Variants in NIBAN2 observed in about 807,000 individuals in gnomAD.
The protein encoded by NIBAN2 is protein Niban 2.
In NIBAN2, 36 loss-of-function variants were observed where a neutral mutation model predicts 81.8. The ratio of observed to expected loss-of-function variants is 0.44; its 90% CI spans 0.34 to 0.58. NIBAN2 has a LOEUF of 0.58. Ranked by LOEUF, NIBAN2 falls within the 20% of genes least tolerant of loss-of-function variation. The pLI is 0.02. For synonymous variants in NIBAN2, 445 were observed against 441.6 expected (o/e 1.01, Z -0.10); for missense variants, 897 against 1,014.1 (o/e 0.88, Z 1.57).
At chr9:127,554,723 G>A (rs1161378517) in intron 1 of NIBAN2, among the ~76,000 whole-genome samples, 6 of 151,598 alleles carry the variant, frequency 4.0e-5, no homozygotes, top group Non-Finnish European at 7.4e-5. Flanking sequence ...CCCATGCCCG[G>A]CTAATTTTTG....
rs745920127 is a variant in NIBAN2, at chr9:127,507,139, A to T, written c.1947T>A (p.Gly649=). ...CCAGCAGGCCTCGGATCTCAGTGAC[A>T]CCGTCCGGGGACGCAGGTGGTGGTG... is the stretch of plus-strand genomic sequence containing the variant. ...PESPPPASPD[G]VTEIRGLLAQ... Residue 649 remains glycine, a synonymous_variant, in exon 14 of 14, where the codon GGT becomes GGA. Transcript: ENST00000373312. This position sits in a 1 kb window ranked among gnomAD's most constrained non-coding sequence, Gnocchi z 6.8. 2.5e-6 allele frequency: 4 copies of T among 1,602,340 alleles called. No individual in the cohort carries two copies. The highest frequency in any genetic ancestry group is 3.4e-6 in the Non-Finnish European group (4 of 1,175,104).
rs1259030953 is a variant in NIBAN2, at chr9:127,568,929, G to A, written c.-55C>T. On this transcript the variant is annotated 5_prime_UTR_variant, in exon 1 of 14. Coordinates refer to ENST00000373312, the MANE Select transcript of NIBAN2 (RefSeq NM_022833.4). ...CGACGCCGCCGCTGTTGCCCGCGCT[G>A]CTCAGGCGGACGCCGCTGGCGCCAT... 1 of 1,219,686 alleles carries A rather than the reference G, an allele frequency of 8.2e-7. No homozygotes were observed. The highest frequency in any genetic ancestry group is 1.0e-6 in the Non-Finnish European group (1 of 981,068). The allele number at this position is 1,219,686 out of a possible 1,614,324, so 75.6% of individuals were successfully genotyped here.
At chr9:127,577,525 C>T (rs1224286060) in intron 1 of NIBAN2, among the ~76,000 whole-genome samples, 1 of 146,850 alleles carries the variant, frequency 6.8e-6, no homozygotes, top group African/African-American at 2.6e-5. Flanking sequence ...CAATACCCCA[C>T]GCTTCCCACA....
intron 1 of NIBAN2, among the ~76,000 whole-genome samples, chr9:127,568,068 G>T (rs1036438915): frequency 6.6e-6 from 1 of 152,182 alleles, no homozygotes; most frequent in Non-Finnish European, 1.5e-5. Flanking sequence ...GCTTCCCCAG[G>T]AGCCTTGGGG....
intron 5 of NIBAN2, among the ~76,000 whole-genome samples, chr9:127,519,620 G>A (rs1284330478): frequency 2.0e-5 from 3 of 152,262 alleles, no homozygotes; most frequent in Non-Finnish European, 2.9e-5. Context: ...GAGCCGGGAG[G>A]GAGCTGAGCA....
chr9:127,533,380 C>T (rs1298437177), intron 1 of NIBAN2, among the ~76,000 whole-genome samples: 3 of 152,204 alleles, frequency 2.0e-5, no homozygotes, highest in African/African-American at 4.8e-5. Flanking sequence ...TGGCATGAAC[C>T]CGGGAGGCGG....
chr9:127,531,508 T>TA, intron 2 of NIBAN2, 140 bp downstream of exon 2: 1 of 677,560 alleles, frequency 1.5e-6, no homozygotes, highest in Non-Finnish European at 2.3e-6. Context: ...TAATTAATTT[T>TA]AAAAAAAGAA....
rs552216776 is a variant in NIBAN2, at chr9:127,517,130, C to T, written c.792G>A (p.Arg264=). 3.5e-5 allele frequency: 57 copies of T among 1,613,808 alleles called. No homozygotes were observed. In the South Asian group the frequency reaches 5.9e-4, roughly 17 times the overall value. The change falls in exon 7 of 14, where the codon CGG becomes CGA. Residue 264 remains arginine (R), a synonymous_variant. Coordinates refer to ENST00000373312, the MANE Select transcript of NIBAN2 (RefSeq NM_022833.4). This position sits in a 1 kb window ranked among gnomAD's most constrained non-coding sequence, Gnocchi z 4.0. The part of the protein sequence containing the change: ...GPRLKGKPQE[R]QRQWIQISDA... Reference sequence around the variant, plus strand: ...CACCCACCTGGATCCACTGCCGCTGCCGCTCCTGCGGTTTCCCCTTCAGCC... The same window carrying T: ...CACCCACCTGGATCCACTGCCGCTGTCGCTCCTGCGGTTTCCCCTTCAGCC...
intron 1 of NIBAN2, among the ~76,000 whole-genome samples, chr9:127,533,541 G>C (rs1009310523): frequency 6.6e-6 from 1 of 152,198 alleles, no homozygotes; most frequent in Non-Finnish European, 1.5e-5. Context: ...GCTGAGGTGG[G>C]AGGGTCACTT....
chr9:127,510,079 G>A (rs556385146), intron 9 of NIBAN2, 67 bp downstream of exon 9: 23 of 1,443,102 alleles, frequency 1.6e-5, no homozygotes, highest in Admixed American at 8.6e-5. Flanking sequence ...TCACGCAGCC[G>A]GGGCCCTCTG....
chr9:127,523,759 T>C lies in NIBAN2; in HGVS notation c.509A>G (p.Tyr170Cys). ...LILWHPYARH[Y>C]YFCMMTEAEQ... ...GGCTTCTGTCATCATGCAGAAGTAG[T>C]AGTGACGCGCATAAGGATGCCAGAG... Residue 170 changes from tyrosine to cysteine, a missense_variant, in exon 5 of 14, where the codon TAC (tyrosine) becomes TGC (cysteine). Coordinates refer to ENST00000373312, the MANE Select transcript of NIBAN2 (RefSeq NM_022833.4). 6.2e-7 allele frequency: 1 copy of C among 1,614,074 alleles called. No individual in the cohort carries two copies. The highest frequency in any genetic ancestry group is 8.5e-7 in the Non-Finnish European group (1 of 1,180,004).
rs1234712171 is a variant in NIBAN2, at chr9:127,536,387, C to T, written c.56-4609G>A. Among the ~76,000 whole-genome samples, 1 of 152,206 alleles carries T rather than the reference C, an allele frequency of 6.6e-6. No homozygotes were observed. The highest frequency in any genetic ancestry group is 6.5e-5 in the Admixed American group (1 of 15,280). On this transcript the variant is annotated intron_variant, in intron 1 of 13. Transcript: ENST00000373312. This position sits in a 1 kb window ranked among gnomAD's most constrained non-coding sequence, Gnocchi z 4.0. ...CAGCCAGAGGACCCAGCCTGGCCACCGCCTTACCTGCTGAGCTCTGGGGCT... is the reference window on the plus strand; with the variant it reads ...CAGCCAGAGGACCCAGCCTGGCCACTGCCTTACCTGCTGAGCTCTGGGGCT...
rs142596135 is a variant in NIBAN2, at chr9:127,568,132, T to C, written c.55+688A>G. 2.4e-4 allele frequency among the ~76,000 whole-genome samples: 36 copies of C among 152,146 alleles called. 1 individual carries two copies. The highest frequency in any genetic ancestry group is 5.8e-4 in the African/African-American group (24 of 41,500). On this transcript the variant is annotated intron_variant, in intron 1 of 13. Transcript: ENST00000373312. ...GTGCAGTAATAGGCTGAGAGTAGGGTTGGCTGAAGAACAGGGTTGAAGGGG... is the reference window on the plus strand; with the variant it reads ...GTGCAGTAATAGGCTGAGAGTAGGGCTGGCTGAAGAACAGGGTTGAAGGGG...
At chr9:127,547,013 C>T (rs114130084) in intron 1 of NIBAN2, among the ~76,000 whole-genome samples, 2,314 of 151,098 alleles carry the variant, frequency 0.015, 54 homozygotes, top group African/African-American at 0.053. Flanking sequence ...GCAGAAGACC[C>T]GAGAAAGGCC....
At chr9:127,524,974 G>T in intron 4 of NIBAN2, 84 bp downstream of exon 4, 2 of 1,015,594 alleles carry the variant, frequency 2.0e-6, no homozygotes, top group Non-Finnish European at 3.0e-6. Context: ...GGGGCTGAAA[G>T]CAATGGGCTC....
chr9:127,521,045 C>T (rs1400142715), intron 5 of NIBAN2, among the ~76,000 whole-genome samples: 2 of 152,200 alleles, frequency 1.3e-5, no homozygotes, highest in African/African-American at 4.8e-5. Flanking sequence ...CCTGCTGACA[C>T]CTTGCCCTCG....
chr9:127,576,836 C>T (rs1403391935), intron 1 of NIBAN2, among the ~76,000 whole-genome samples: 2 of 151,422 alleles, frequency 1.3e-5, no homozygotes, highest in East Asian at 4.0e-4. Context: ...CTCAGCCTCC[C>T]CAAGTGCCAC....
chr9:127,507,481 G>C lies in NIBAN2; in HGVS notation c.1655-50C>G. The C allele has an allele frequency of 1.4e-6, 2 of 1,409,828 alleles. No homozygotes were observed. The highest frequency in any genetic ancestry group is 1.9e-6 in the Non-Finnish European group (2 of 1,059,744). The allele number at this position is 1,409,828 out of a possible 1,614,324, so 87.3% of individuals were successfully genotyped here. On this transcript the variant is annotated intron_variant, in intron 13 of 13. Coordinates refer to ENST00000373312, the MANE Select transcript of NIBAN2 (RefSeq NM_022833.4). The surrounding 1 kb of genome is among the most constrained non-coding windows in gnomAD (Gnocchi z 6.8). ...AGGACACAGCACTGATCCCACAGCC[G>C]CCCCTGTGCTGGACTCTGCTCAAAG...
At position 127,507,506 on chromosome 9, in the gene NIBAN2, G is replaced by A; in HGVS notation, c.1655-75C>T. The A allele has an allele frequency of 7.6e-7, 1 of 1,312,722 alleles. No individual in the cohort carries two copies. The allele number at this position is 1,312,722 out of a possible 1,614,324, so 81.3% of individuals were successfully genotyped here. On this transcript the variant is annotated intron_variant, in intron 13 of 13. Transcript: ENST00000373312. This position sits in a 1 kb window ranked among gnomAD's most constrained non-coding sequence, Gnocchi z 6.8. ...GCCCCTGTGCTGGACTCTGCTCAAA[G>A]AAGACCCGTCTCATCCCGCCTTGGG... is the stretch of plus-strand genomic sequence containing the variant.
Sources: allele counts gnomAD v4.1 joint callset (sites outside exome capture counted in the v4.1 genomes callset), GRCh38; gene constraint gnomAD v4.1.1; non-coding constraint Gnocchi (gnomAD v3.1); transcripts MANE v1.5; gene names NCBI Gene and HGNC (gene_info 2026-07-23, HGNC 2026-07-21).